Variants in LAMA2 observed in about 807,000 individuals in gnomAD.
LAMA2 encodes laminin subunit alpha 2, also known as laminin subunit alpha-2.
In LAMA2, 269 loss-of-function variants were observed where a neutral mutation model predicts 364.8. The observed-to-expected ratio is 0.74, with a 90% CI of 0.67 to 0.82. The LOEUF (loss-of-function observed/expected upper bound fraction) is 0.82. Ranked by LOEUF, LAMA2 falls within the 40% of genes least tolerant of loss-of-function variation. LAMA2 has a pLI of 0.00. For missense variants in LAMA2, 3,807 were observed against 3,873.2 expected, an observed-to-expected ratio of 0.98 and a Z score of 0.45; for synonymous variants, 1,379 against 1,370.6, an observed-to-expected ratio of 1.01 and a Z score of -0.14.
rs1376811276 is a variant in LAMA2, at chr6:129,260,573, G to A, written c.2097-138G>A. 5.6e-6 allele frequency: 4 copies of A among 720,220 alleles called. No homozygotes were observed. In the African/African-American group the frequency reaches 6.9e-5, roughly 12 times the overall value. 44.6% of individuals were successfully genotyped at this position (720,220 alleles called of 1,614,324 possible). A position where few individuals can be genotyped will look rare whatever the true frequency, so the allele number is the denominator to read the frequency against. ...AATATGACAAAGGACCAGAGCTTTT[G>A]GTTATGGTATTCATCAGCTTCCTTT... On this transcript the variant is annotated intron_variant, in intron 14 of 64. Transcript: ENST00000421865.
At chr6:129,301,529 G>A (rs1773548983) in intron 22 of LAMA2, among the ~76,000 whole-genome samples, 1 of 152,086 alleles carries the variant, frequency 6.6e-6, no homozygotes, top group Admixed American at 6.5e-5. Flanking sequence ...ATACAGCCTG[G>A]TGAATTCATT....
intron 12 of LAMA2, among the ~76,000 whole-genome samples, chr6:129,200,315 T>TAC (rs1782166866): frequency 4.8e-5 from 6 of 124,092 alleles, no homozygotes; most frequent in Non-Finnish European, 8.8e-5. Context: ...TGTATATATA[T>TAC]ACGTGTACAC....
chr6:129,439,852 A>ATC (rs1554297425), intron 42 of LAMA2, among the ~76,000 whole-genome samples: 1 of 145,526 alleles, frequency 6.9e-6, no homozygotes, highest in African/African-American at 2.6e-5. Flanking sequence ...ATATATATCT[A>ATC]TCTCAATTGG....
chr6:129,136,801 G>T (rs1583110825), intron 4 of LAMA2, among the ~76,000 whole-genome samples: 1 of 152,250 alleles, frequency 6.6e-6, no homozygotes, highest in African/African-American at 2.4e-5. Flanking sequence ...AAGAAAAGAA[G>T]AATGGCAATT....
At chr6:129,146,552 T>C (rs1778464240) in intron 5 of LAMA2, among the ~76,000 whole-genome samples, 2 of 151,954 alleles carry the variant, frequency 1.3e-5, no homozygotes, top group South Asian at 2.1e-4. Context: ...AGTAAAACAG[T>C]GTGCGTATGA....
intron 1 of LAMA2, among the ~76,000 whole-genome samples, chr6:128,900,538 C>T (rs951999992): frequency 2.0e-5 from 3 of 152,048 alleles, no homozygotes; most frequent in African/African-American, 7.2e-5. Context: ...ATGATACTGT[C>T]GGATGTAGGC....
chr6:129,204,197 G>A (rs369189085), intron 12 of LAMA2, among the ~76,000 whole-genome samples: 1 of 152,286 alleles, frequency 6.6e-6, no homozygotes, highest in South Asian at 2.1e-4. Flanking sequence ...CAGTTAACCA[G>A]ATTTGTGAAA....
chr6:129,453,274 C>A (rs1387213867), intron 46 of LAMA2, 143 bp downstream of exon 46: 4 of 762,646 alleles, frequency 5.2e-6, no homozygotes, highest in African/African-American at 5.2e-5. Flanking sequence ...CAACGTCTTA[C>A]CTTACAAAAT....
rs570110941 is a variant in LAMA2 at position 129,499,643 on chromosome 6, G to A, written c.8245-3016G>A. Among the ~76,000 whole-genome samples the A allele has an allele frequency of 2.0e-5, 3 of 152,274 alleles. No homozygotes were observed. The East Asian group carries it at 5.8e-4, about 29-fold the overall frequency. On this transcript the variant is annotated intron_variant, in intron 58 of 64. Transcript: ENST00000421865. ...CTGGATGAGCAGCTCCACCCACTGT[G>A]GGACATGAGGCAGAAGGAAGAGAAG...
intron 5 of LAMA2, 41 bp from the exon 6 acceptor site, chr6:129,146,918 A>G (rs772672233): frequency 2.0e-5 from 24 of 1,189,844 alleles, no homozygotes; most frequent in Non-Finnish European, 3.0e-5. Flanking sequence ...TTGACCTTGC[A>G]GTCATCTTAA....
chr6:129,472,598 A>G (rs544443870), intron 51 of LAMA2, among the ~76,000 whole-genome samples: 1 of 151,980 alleles, frequency 6.6e-6, no homozygotes, highest in Admixed American at 6.6e-5. Context: ...TGAGAGACCC[A>G]AAAGAAAAGC....
intron 20 of LAMA2, among the ~76,000 whole-genome samples, chr6:129,292,577 A>G (rs1789784792): frequency 6.6e-6 from 1 of 152,178 alleles, no homozygotes. Context: ...TGCTTTCAGT[A>G]TGGCAAGCAA....
At chr6:129,041,842 A>G (rs1022073940) in intron 1 of LAMA2, among the ~76,000 whole-genome samples, 2 of 151,842 alleles carry the variant, frequency 1.3e-5, no homozygotes, top group African/African-American at 4.8e-5. Context: ...GTCTCTACCA[A>G]AAAAAAGTAA....
intron 4 of LAMA2, among the ~76,000 whole-genome samples, chr6:129,120,218 T>C (rs1776726936): frequency 6.6e-6 from 1 of 152,200 alleles, no homozygotes; most frequent in Admixed American, 6.5e-5. Context: ...AAAGTCACAA[T>C]ATGCGTGAGT....
At chr6:129,138,862 T>C (rs954750976) in intron 4 of LAMA2, among the ~76,000 whole-genome samples, 1 of 152,046 alleles carries the variant, frequency 6.6e-6, no homozygotes, top group Non-Finnish European at 1.5e-5. Flanking sequence ...AGGCCAAGGG[T>C]TGAGCACTGT....
chr6:129,364,798 A>G (rs1777664242), intron 32 of LAMA2, among the ~76,000 whole-genome samples: 1 of 152,176 alleles, frequency 6.6e-6, no homozygotes, highest in Non-Finnish European at 1.5e-5. Flanking sequence ...TTGTAAAGAA[A>G]AGAGGTATAA....
chr6:129,157,326 A>G (rs1284508753), intron 8 of LAMA2, among the ~76,000 whole-genome samples: 1 of 152,210 alleles, frequency 6.6e-6, no homozygotes, highest in Non-Finnish European at 1.5e-5. Context: ...TCCATATATA[A>G]AGAATGAAGT....
intron 4 of LAMA2, among the ~76,000 whole-genome samples, chr6:129,114,405 C>T (rs1289093910): frequency 6.6e-6 from 1 of 151,982 alleles, no homozygotes; most frequent in Non-Finnish European, 1.5e-5. Context: ...GGTTAAAGAA[C>T]AGCTAAAGAT....
chr6:129,093,834 C>G (rs1374795005), intron 3 of LAMA2, among the ~76,000 whole-genome samples: 1 of 152,116 alleles, frequency 6.6e-6, no homozygotes, highest in Admixed American at 6.6e-5. Flanking sequence ...AAGTTTGTAA[C>G]AAGTGCCCTT....
Sources: allele counts gnomAD v4.1 joint callset (sites outside exome capture counted in the v4.1 genomes callset), GRCh38; gene constraint gnomAD v4.1.1; transcripts MANE v1.5; gene names NCBI Gene and HGNC (gene_info 2026-07-23, HGNC 2026-07-21).